Variants in NVL observed in about 807,000 individuals in gnomAD.
NVL encodes the protein nuclear valosin-containing protein-like.
In NVL, 84 loss-of-function variants were observed where a neutral mutation model predicts 110.2. That is an observed-to-expected ratio of 0.76 (90% CI 0.64 to 0.91). The LOEUF is 0.91. NVL is among the 40% of genes least tolerant of loss of function. The pLI is 0.00. For synonymous variants in NVL, 354 were observed against 361.1 expected (o/e 0.98, Z 0.22); for missense variants, 882 against 1,035.9 (o/e 0.85, Z 2.04).
chr1:224,330,044 C>A (rs1244378845), intron 1 of NVL, 27 bp downstream of exon 1: 3 of 1,612,064 alleles, frequency 1.9e-6, no homozygotes, highest in Non-Finnish European at 2.5e-6. Context: ...GGGCCCTTGG[C>A]GAGGCCAAGC....
At position 224,330,054 on chromosome 1, in the gene NVL, C is replaced by A. The variant is rs1558378101; in HGVS notation, c.57+17G>T. ...GATCGGGGCCCTTGGCGAGGCCAAGCGGTGCAGAATACACACCTGGATGAC... is the reference window on the plus strand; with the variant it reads ...GATCGGGGCCCTTGGCGAGGCCAAGAGGTGCAGAATACACACCTGGATGAC... On this transcript the variant is annotated intron_variant, in intron 1 of 22. Transcript: ENST00000281701. 1 of 1,612,784 alleles carries A rather than the reference C, an allele frequency of 6.2e-7. No individual in the cohort carries two copies. The highest frequency in any genetic ancestry group is 8.5e-7 in the Non-Finnish European group (1 of 1,179,236).
intron 2 of NVL, among the ~76,000 whole-genome samples, chr1:224,318,600 C>CA (rs1027644488): frequency 2.7e-5 from 4 of 150,912 alleles, no homozygotes; most frequent in South Asian, 2.1e-4. Flanking sequence ...GATCTCATCT[C>CA]AAAAAAAATA....
At chr1:224,327,921 G>A (rs1671295403) in intron 1 of NVL, among the ~76,000 whole-genome samples, 1 of 151,908 alleles carries the variant, frequency 6.6e-6, no homozygotes. Context: ...GCATGTTTGA[G>A]AAGGTCTGTG....
intron 9 of NVL, chr1:224,301,621 G>C: frequency 3.3e-6 from 1 of 302,652 alleles, no homozygotes; most frequent in South Asian, 2.5e-5. Flanking sequence ...GGGCAACACA[G>C]TGAGACCCCA....
intron 4 of NVL, chr1:224,313,146 G>T (rs1301530128): frequency 8.0e-6 from 2 of 249,076 alleles, no homozygotes; most frequent in Admixed American, 5.2e-5. Context: ...GTGACAGAGC[G>T]AGACGCTGTC....
At chr1:224,228,373 C>T (rs1268016928) in intron 22 of NVL, among the ~76,000 whole-genome samples, 10 of 151,964 alleles carry the variant, frequency 6.6e-5, no homozygotes, top group Non-Finnish European at 1.5e-4. Context: ...GGTGCAATCT[C>T]GGCTCACTGC....
At position 224,251,304 on chromosome 1, in the gene NVL, G is replaced by C. The variant is rs147431023; in HGVS notation, c.2183-986C>G. Among the ~76,000 whole-genome samples, 678 of 137,894 alleles carry C rather than the reference G, an allele frequency of 4.9e-3. 10 individuals are homozygous for C. The highest frequency in any genetic ancestry group is 0.016 in the African/African-American group (629 of 38,176). The allele number at this position is 137,894 out of a possible 152,430, so 90.5% of individuals were successfully genotyped here. A position where few individuals can be genotyped will look rare whatever the true frequency, so the allele number is the denominator to read the frequency against. On this transcript the variant is annotated intron_variant, in intron 18 of 22. Coordinates refer to ENST00000281701, the MANE Select transcript of NVL (RefSeq NM_002533.4). ...AAAAAAAAAAAAAAGCAATTAACAT[G>C]AGATGAGAATAACCTCTTTATAAAA...
chr1:224,325,655 C>T (rs2102804560), intron 2 of NVL, among the ~76,000 whole-genome samples: 1 of 152,254 alleles, frequency 6.6e-6, no homozygotes, highest in South Asian at 2.1e-4. Context: ...ATTGCTTGAA[C>T]CTGGGAAGCG....
chr1:224,245,021 A>G (rs139602992), intron 19 of NVL, among the ~76,000 whole-genome samples: 3 of 152,126 alleles, frequency 2.0e-5, no homozygotes, highest in Admixed American at 6.6e-5. Context: ...AGATCCCAAA[A>G]GATATGAAGA....
At chr1:224,244,079 A>T (rs1345242470) in intron 19 of NVL, among the ~76,000 whole-genome samples, 1 of 151,746 alleles carries the variant, frequency 6.6e-6, no homozygotes, top group Non-Finnish European at 1.5e-5. Flanking sequence ...TGAAAAAAAA[A>T]TCTGGGGGCC....
chr1:224,300,751 G>A, intron 9 of NVL, 88 bp from the exon 10 acceptor site: 3 of 869,592 alleles, frequency 3.4e-6, no homozygotes, highest in Non-Finnish European at 5.4e-6. Context: ...TTTTTAAATA[G>A]CTAGTTTCCT....
At chr1:224,301,864 T>C (rs901402527) in intron 9 of NVL, 3 of 163,162 alleles carry the variant, frequency 1.8e-5, no homozygotes, top group Non-Finnish European at 4.0e-5. Flanking sequence ...GTGCTTATCT[T>C]GAAATTTCAC....
chr1:224,313,234 A>G (rs1223737426), intron 4 of NVL: 2 of 166,218 alleles, frequency 1.2e-5, no homozygotes, highest in Non-Finnish European at 2.7e-5. Context: ...GAGCAATTCT[A>G]ATCAATGTAA....
intron 1 of NVL, among the ~76,000 whole-genome samples, chr1:224,327,575 G>A (rs1347672614): frequency 1.3e-5 from 2 of 151,642 alleles, no homozygotes; most frequent in Non-Finnish European, 2.9e-5. Flanking sequence ...TTTAACTTGG[G>A]TCCCATCCCC....
chr1:224,285,604 C>T (rs1471657637), intron 15 of NVL, among the ~76,000 whole-genome samples: 1 of 151,950 alleles, frequency 6.6e-6, no homozygotes, highest in East Asian at 1.9e-4. Flanking sequence ...CAATGCTTTT[C>T]CTTTTTGCTT....
chr1:224,228,355 A>G (rs1659424547), intron 22 of NVL, among the ~76,000 whole-genome samples: 1 of 151,994 alleles, frequency 6.6e-6, no homozygotes. Flanking sequence ...CCCAGGCTGG[A>G]ATGCAGCGGT....
At position 224,307,978 on chromosome 1, in the gene NVL, A is replaced by G. The variant is rs536289264; in HGVS notation, c.615+13T>C. The G allele has an allele frequency of 1.1e-5, 16 of 1,510,354 alleles. No homozygotes were observed. The South Asian group carries it at 1.9e-4, about 18-fold the overall frequency. The allele number at this position is 1,510,354 out of a possible 1,614,324, so 93.6% of individuals were successfully genotyped here. Reference sequence around the variant, plus strand: ...TTCGATGATATGGGGCTAAAATTTCATTACAAAAATACCTGTATCTCAGTT... The same window carrying G: ...TTCGATGATATGGGGCTAAAATTTCGTTACAAAAATACCTGTATCTCAGTT... On this transcript the variant is annotated intron_variant, in intron 6 of 22. Transcript: ENST00000281701.
intron 20 of NVL, among the ~76,000 whole-genome samples, chr1:224,233,738 A>G (rs562862173): frequency 6.6e-5 from 10 of 152,272 alleles, no homozygotes; most frequent in African/African-American, 2.2e-4. Flanking sequence ...CAGCCTGGGT[A>G]ACAGAGTGAG....
chr1:224,313,086 G>T, intron 4 of NVL: 2 of 393,072 alleles, frequency 5.1e-6, no homozygotes, highest in Non-Finnish European at 1.0e-5. Context: ...TTGGGCCTGG[G>T]ACGTCAAGAC....
Sources: allele counts gnomAD v4.1 joint callset (sites outside exome capture counted in the v4.1 genomes callset), GRCh38; gene constraint gnomAD v4.1.1; transcripts MANE v1.5; gene names NCBI Gene and HGNC (gene_info 2026-07-23, HGNC 2026-07-21).